The following SPP1 variants were observed in gnomAD, a reference collection of about 807,000 sequenced individuals.
SPP1 encodes secreted phosphoprotein 1.
In SPP1, 18 loss-of-function variants were observed where a neutral mutation model predicts 20.8. The observed-to-expected ratio is 0.87, with a 90% CI of 0.60 to 1.29. SPP1 has a LOEUF of 1.29. SPP1 is among the 50% of genes most tolerant of loss of function. The pLI is 0.00. For missense variants in SPP1, 363 were observed against 389.0 expected (o/e 0.93, Z 0.56); for synonymous variants, 146 against 141.5 (o/e 1.03, Z -0.23).
rs149251611 is a variant in SPP1 at position 87,978,030 on chromosome 4, T to A, written c.93+933T>A. The A allele has an allele frequency of 1.1e-4, 26 of 231,316 alleles. No homozygotes were observed. In the East Asian group the frequency reaches 4.0e-3, roughly 35 times the overall value. 14.3% of individuals were successfully genotyped at this position (231,316 alleles called of 1,614,324 possible). A position where few individuals can be genotyped will look rare whatever the true frequency, so the allele number is the denominator to read the frequency against. ...TTAATAAACGAAAATATGGCAAAGA[T>A]GCATTTTAGAAGGCACGTGGAGCTA... On this transcript the variant is annotated intron_variant, in intron 3 of 6. Coordinates refer to ENST00000395080, the MANE Select transcript of SPP1 (RefSeq NM_001040058.2).
At chr4:87,976,231 G>A (rs531054701) in intron 1 of SPP1, among the ~76,000 whole-genome samples, 2 of 152,280 alleles carry the variant, frequency 1.3e-5, no homozygotes, top group African/African-American at 4.8e-5. Context: ...TTCTGAATAT[G>A]CCACTGCTAA....
At chr4:87,976,317 T>C (rs1352587803) in intron 1 of SPP1, among the ~76,000 whole-genome samples, 1 of 152,234 alleles carries the variant, frequency 6.6e-6, no homozygotes, top group Non-Finnish European at 1.5e-5. Context: ...GAAAAGCTGT[T>C]GGCTATTTTC....
Position 87,982,949 on chromosome 4 carries a change from T to C in SPP1, c.*53T>C, listed in dbSNP as rs956395823. 2 of 1,488,158 alleles carry C rather than the reference T, an allele frequency of 1.3e-6. No individual in the cohort carries two copies. Among genetic ancestry groups the C allele is most frequent in the Non-Finnish European group, 1.8e-6 (2 of 1,109,358 alleles). The allele number at this position is 1,488,158 out of a possible 1,614,324, so 92.2% of individuals were successfully genotyped here. On this transcript the variant is annotated 3_prime_UTR_variant, in exon 7 of 7. Coordinates refer to ENST00000395080, the MANE Select transcript of SPP1 (RefSeq NM_001040058.2). ...TGCATTTAGTCAAAAGAAAAAATGCTTTATAGCAAAATGAAAGAGAACATG... is the reference window on the plus strand; with the variant it reads ...TGCATTTAGTCAAAAGAAAAAATGCCTTATAGCAAAATGAAAGAGAACATG...
chr4:87,981,936 C>T (rs1051708471), intron 6 of SPP1, 138 bp downstream of exon 6: 2 of 768,454 alleles, frequency 2.6e-6, no homozygotes. Context: ...ACTTTATGAC[C>T]ATTGAATACA....
At position 87,981,716 on chromosome 4, in the gene SPP1, T is replaced by G. The variant is rs768385423; in HGVS notation, c.458T>G (p.Val153Gly). ...GTTTTCACTCCAGTTGTCCCCACAG[T>G]AGACACATATGATGGCCGAGGTGAT... ...TEVFTPVVPT[V>G]DTYDGRGDSV... is the part of the protein sequence containing the mutation. Residue 153 changes from valine (V) to glycine (G), a missense_variant, in exon 6 of 7, where the codon GTA becomes GGA. By Grantham distance (109) the Val-to-Gly change is moderately radical (BLOSUM62 -3). Coordinates refer to ENST00000395080, the MANE Select transcript of SPP1 (RefSeq NM_001040058.2). 6.2e-7 allele frequency: 1 copy of G among 1,614,076 alleles called. No homozygotes were observed. The highest frequency in any genetic ancestry group is 8.5e-7 in the Non-Finnish European group (1 of 1,180,036).
At chr4:87,978,316 AATAG>A (rs930964690) in intron 3 of SPP1, among the ~76,000 whole-genome samples, 6 of 152,030 alleles carry the variant, frequency 3.9e-5, no homozygotes, top group Non-Finnish European at 5.9e-5. Flanking sequence ...GTGTCATGAG[AATAG>A]ATAGATAGAT....
In SPP1 at chr4:87,981,408, T is replaced by C. The variant is rs1030413852; in HGVS notation, c.217-67T>C. On this transcript the variant is annotated intron_variant, in intron 5 of 6. Transcript: ENST00000395080. Reference sequence around the variant, plus strand: ...AAAAAGAAAGATAGTAAAAGACTAATGTGCTATAAAGGCTAAGGGAAAATA... The same window carrying C: ...AAAAAGAAAGATAGTAAAAGACTAACGTGCTATAAAGGCTAAGGGAAAATA... The C allele has an allele frequency of 4.4e-6, 6 of 1,352,726 alleles. No individual in the cohort carries two copies. The African/African-American group carries it at 5.8e-5, about 13-fold the overall frequency. The allele number at this position is 1,352,726 out of a possible 1,614,324, so 83.8% of individuals were successfully genotyped here.
In SPP1 at chr4:87,977,347, G is replaced by A. The variant is rs548989899; in HGVS notation, c.93+250G>A. Among the ~76,000 whole-genome samples the A allele has an allele frequency of 1.8e-4, 28 of 152,226 alleles. No individual in the cohort carries two copies. The South Asian group carries it at 5.0e-3, about 27-fold the overall frequency. On this transcript the variant is annotated intron_variant, in intron 3 of 6. Coordinates refer to ENST00000395080, the MANE Select transcript of SPP1 (RefSeq NM_001040058.2). ...ATCTAGGCATGTATGATGAGTTATC[G>A]CATGTAAGATAAGTTATATGAAGTT...
rs772329146 is a variant in SPP1 at position 87,976,892 on chromosome 4, T to C, written c.-4T>C. On this transcript the variant is annotated 5_prime_UTR_variant, in exon 2 of 7. Coordinates refer to ENST00000395080, the MANE Select transcript of SPP1 (RefSeq NM_001040058.2). ...TGAAATATTTTGCAGGAAAACTCACTACCATGAGAATTGCAGTGATTTGCT... is the reference window on the plus strand; with the variant it reads ...TGAAATATTTTGCAGGAAAACTCACCACCATGAGAATTGCAGTGATTTGCT... 1.2e-6 allele frequency: 2 copies of C among 1,612,408 alleles called. No homozygotes were observed. Among genetic ancestry groups the C allele is most frequent in the African/African-American group, 2.7e-5 (2 of 74,928 alleles).
At chr4:87,979,995 C>A in intron 3 of SPP1, 51 bp from the exon 4 acceptor site, 2 of 1,563,668 alleles carry the variant, frequency 1.3e-6, no homozygotes, top group South Asian at 2.2e-5. Context: ...TTTTTCCATT[C>A]ATCCCTACAT....
chr4:87,981,790 G>T lies in SPP1; in HGVS notation c.532G>T (p.Asp178Tyr). 6.2e-7 allele frequency: 1 copy of T among 1,613,478 alleles called. No individual in the cohort carries two copies. Among genetic ancestry groups the T allele is most frequent in the South Asian group, 1.1e-5 (1 of 91,030 alleles). The change falls in exon 6 of 7, where the codon GAC becomes TAC. Residue 178 changes from aspartate to tyrosine, a missense_variant. Physicochemically the swap from Asp to Tyr is radical, Grantham distance 160. Transcript: ENST00000395080. ...AAAATCTAAGAAGTTTCGCAGACCT[G>T]ACATCCAGGTAAATCCTTTAACAGA... ...RSKSKKFRRP[D>Y]IQYPDATDED...
chr4:87,981,081 CTT>C (rs774353061), intron 5 of SPP1, among the ~76,000 whole-genome samples: 2 of 152,084 alleles, frequency 1.3e-5, no homozygotes, highest in African/African-American at 2.4e-5. Flanking sequence ...ATACTCTTCT[CTT>C]TTGATAAATC....
chr4:87,977,721 G>A (rs1725438259), intron 3 of SPP1: 3 of 1,276,694 alleles, frequency 2.3e-6, no homozygotes, highest in African/African-American at 1.5e-5. Flanking sequence ...AACAACAAAT[G>A]GGCATTGTCC....
chr4:87,977,556 T>C (rs1725431041), intron 3 of SPP1: 2 of 629,262 alleles, frequency 3.2e-6, no homozygotes, highest in East Asian at 9.5e-5. Flanking sequence ...GAAAAGAAAG[T>C]CTATGTGTGC....
At chr4:87,977,757 C>A in intron 3 of SPP1, 1 of 1,285,782 alleles carries the variant, frequency 7.8e-7, no homozygotes, top group East Asian at 5.6e-5. Context: ...AAAAGGCACA[C>A]AGAGTTCAAT....
chr4:87,980,415 C>A lies in SPP1; in HGVS notation c.197C>A (p.Thr66Asn). 1.2e-6 allele frequency: 2 copies of A among 1,614,094 alleles called. No homozygotes were observed. Among genetic ancestry groups the A allele is most frequent in the East Asian group, 4.5e-5 (2 of 44,884 alleles). Reference sequence around the variant, plus strand: ...CAGAATGCTGTGTCCTCTGAAGAAACCAATGACTTTAAACAAGAGGTAAGT... The same window carrying A: ...CAGAATGCTGTGTCCTCTGAAGAAAACAATGACTTTAAACAAGAGGTAAGT... Reference protein sequence around the residue: ...APQNAVSSEETNDFKQETLPS... With the variant: ...APQNAVSSEENNDFKQETLPS... Residue 66 changes from threonine (T) to asparagine (N), a missense_variant, in exon 5 of 7, where the codon ACC (threonine) becomes AAC (asparagine). Thr to Asn is a moderately conservative substitution (Grantham distance 65, BLOSUM62 0). Transcript: ENST00000395080.
Position 87,982,539 on chromosome 4 carries a change from G to A in SPP1, c.588G>A (p.Glu196=), listed in dbSNP as rs887360545. The A allele has an allele frequency of 1.2e-5, 19 of 1,614,028 alleles. No individual in the cohort carries two copies. The highest frequency in any genetic ancestry group is 1.6e-5 in the Non-Finnish European group (19 of 1,180,032). The change falls in exon 7 of 7, where the codon GAG becomes GAA. Residue 196 remains glutamate, a synonymous_variant. Coordinates refer to ENST00000395080, the MANE Select transcript of SPP1 (RefSeq NM_001040058.2). ...DEDITSHMES[E]ELNGAYKAIP... ...ACATCACCTCACACATGGAAAGCGA[G>A]GAGTTGAATGGTGCATACAAGGCCA...
At chr4:87,980,524 A>G in intron 5 of SPP1, 90 bp downstream of exon 5, 1 of 1,432,420 alleles carries the variant, frequency 7.0e-7, no homozygotes, top group African/African-American at 1.4e-5. Flanking sequence ...AAATTTCATT[A>G]GCAAGTTTTC....
At chr4:87,979,333 TTTTTTTA>T (rs1341443403) in intron 3 of SPP1, among the ~76,000 whole-genome samples, 4 of 151,254 alleles carry the variant, frequency 2.6e-5, no homozygotes, top group Non-Finnish European at 5.9e-5. Flanking sequence ...CCCGGCTATT[TTTTTTTA>T]TTTTTATTTT....
Sources: gnomAD v4.1 joint callset for allele counts (sites outside exome capture counted in the v4.1 genomes callset) on GRCh38, gnomAD v4.1.1 for gene constraint, MANE v1.5 for transcripts, NCBI Gene and HGNC (gene_info 2026-07-23, HGNC 2026-07-21) for gene names.